Variants in PARD3B observed in about 807,000 individuals in gnomAD.
PARD3B encodes par-3 family cell polarity regulator beta.
In PARD3B, 103 loss-of-function variants were observed where a neutral mutation model predicts 130.2. That is an observed-to-expected ratio of 0.79 (90% confidence interval 0.67 to 0.93). PARD3B has a LOEUF of 0.93. Among genes scored for constraint, PARD3B ranks in the 40% least tolerant of loss-of-function variants. The pLI is 0.00. For missense variants in PARD3B, 1,609 were observed against 1,499.2 expected, an observed-to-expected ratio of 1.07 and a Z score of -1.21; for synonymous variants, 583 against 553.2, an observed-to-expected ratio of 1.05 and a Z score of -0.76.
At chr2:204,570,466 C>G (rs2031928764) in intron 1 of PARD3B, among the ~76,000 whole-genome samples, 1 of 152,160 alleles carries the variant, frequency 6.6e-6, no homozygotes, top group Non-Finnish European at 1.5e-5. Flanking sequence ...TTCTGTCCAT[C>G]TAGCTGGAAT....
At chr2:205,217,781 T>C (rs1273840309) in intron 15 of PARD3B, among the ~76,000 whole-genome samples, 1 of 147,348 alleles carries the variant, frequency 6.8e-6, no homozygotes, top group Non-Finnish European at 1.5e-5. Flanking sequence ...TATATATGTA[T>C]ATATATGTGT....
At chr2:205,145,548 G>A (rs1157460512) in intron 10 of PARD3B, among the ~76,000 whole-genome samples, 3 of 152,110 alleles carry the variant, frequency 2.0e-5, no homozygotes, top group Non-Finnish European at 2.9e-5. Flanking sequence ...AGAAATAATG[G>A]AACTGGAAGG....
chr2:205,274,663 T>C lies in PARD3B; in HGVS notation c.2186-25867T>C, dbSNP rs544732199. On this transcript the variant is annotated intron_variant, in intron 16 of 22. Transcript: ENST00000406610. This position sits in a 1 kb window ranked among gnomAD's most constrained non-coding sequence, Gnocchi z 4.2. ...TTATCTATCTGAATATTAATATCAATTATCTACCTGAATATTTCTATCTGA... is the reference window on the plus strand; with the variant it reads ...TTATCTATCTGAATATTAATATCAACTATCTACCTGAATATTTCTATCTGA... Among the ~76,000 whole-genome samples, 1 of 152,252 alleles carries C rather than the reference T, an allele frequency of 6.6e-6. No individual in the cohort carries two copies. Among genetic ancestry groups the C allele is most frequent in the East Asian group, 1.9e-4 (1 of 5,184 alleles).
chr2:204,821,724 T>TA (rs750214067), intron 2 of PARD3B, among the ~76,000 whole-genome samples: 140 of 151,190 alleles, frequency 9.3e-4, no homozygotes, highest in Non-Finnish European at 1.5e-3. Context: ...TAAAAAAAAA[T>TA]AAAAAAAATA....
chr2:205,080,800 C>T (rs1255387055), intron 4 of PARD3B, among the ~76,000 whole-genome samples: 1 of 152,004 alleles, frequency 6.6e-6, no homozygotes, highest in Non-Finnish European at 1.5e-5. Flanking sequence ...TACTGTTTGC[C>T]TTTTTCATTT....
intron 3 of PARD3B, among the ~76,000 whole-genome samples, chr2:205,033,047 A>G (rs1473546530): frequency 2.0e-5 from 3 of 152,162 alleles, no homozygotes; most frequent in Non-Finnish European, 4.4e-5. Context: ...GAGCTCTTGA[A>G]GTATTCTTTT....
intron 4 of PARD3B, among the ~76,000 whole-genome samples, chr2:205,102,216 A>T (rs1046993166): frequency 1.3e-5 from 2 of 152,066 alleles, no homozygotes; most frequent in African/African-American, 4.8e-5. Context: ...TTTTTAATTT[A>T]TTAAGTTGTG....
rs10196528 is a variant in PARD3B at position 205,072,517 on chromosome 2, G to A, written c.504+24827G>A. ...CTACCCACCGTGGCCTCCCCAAAGC[G>A]CAGGGATTACAGGCATGACCTACGG... is the stretch of plus-strand genomic sequence containing the variant. On this transcript the variant is annotated intron_variant, in intron 4 of 22. Coordinates refer to ENST00000406610, the MANE Select transcript of PARD3B (RefSeq NM_001302769.2). Among the ~76,000 whole-genome samples the A allele has an allele frequency of 8.9e-3, 1,349 of 152,210 alleles. 16 individuals carry two copies. The highest frequency in any genetic ancestry group is 0.03 in the African/African-American group (1,255 of 41,510).
intron 1 of PARD3B, among the ~76,000 whole-genome samples, chr2:204,550,412 C>CTGTGTGTGTGTGTGTGTGTGTG (rs3051346): frequency 6.9e-6 from 1 of 144,300 alleles, no homozygotes; most frequent in African/African-American, 2.5e-5. Context: ...GGAGGGCTGA[C>CTGTGTGTGTGTGTGTGTGTGTG]TGTGTGTGTG....
chr2:205,194,677 A>C (rs2036572285), intron 15 of PARD3B, among the ~76,000 whole-genome samples: 1 of 152,194 alleles, frequency 6.6e-6, no homozygotes, highest in Admixed American at 6.5e-5. Context: ...AAGAAAAAAC[A>C]GCACCCATTT....
chr2:204,724,300 G>A (rs1007338326), intron 2 of PARD3B, among the ~76,000 whole-genome samples: 1 of 152,080 alleles, frequency 6.6e-6, no homozygotes, highest in Non-Finnish European at 1.5e-5. Context: ...CTTTTTCTTA[G>A]AAGATACTAG....
chr2:205,318,035 G>A (rs909352525), intron 18 of PARD3B, among the ~76,000 whole-genome samples: 1 of 152,104 alleles, frequency 6.6e-6, no homozygotes, highest in African/African-American at 2.4e-5. Flanking sequence ...AAGAGCTGGA[G>A]GGAACATCGA....
chr2:204,625,341 C>T (rs761233637), intron 1 of PARD3B, among the ~76,000 whole-genome samples: 2 of 152,094 alleles, frequency 1.3e-5, no homozygotes, highest in Non-Finnish European at 2.9e-5. Flanking sequence ...CATCGGTTCT[C>T]CATGACAGCA....
chr2:205,566,486 T>C (rs2053337731), intron 22 of PARD3B, among the ~76,000 whole-genome samples: 1 of 152,008 alleles, frequency 6.6e-6, no homozygotes. Context: ...GTGTTAAGAA[T>C]GGATCCACAC....
intron 21 of PARD3B, among the ~76,000 whole-genome samples, chr2:205,532,006 A>G (rs1218304139): frequency 6.6e-6 from 1 of 152,040 alleles, no homozygotes; most frequent in Non-Finnish European, 1.5e-5. Context: ...CAGCGTGAAC[A>G]CCGCTATTAA....
intron 1 of PARD3B, among the ~76,000 whole-genome samples, chr2:204,616,231 A>G (rs1487868013): frequency 2.0e-5 from 3 of 152,216 alleles, no homozygotes; most frequent in Non-Finnish European, 2.9e-5. Context: ...CCTGATAAAA[A>G]CGTGTTATCT....
At chr2:205,480,686 A>G (rs1260295708) in intron 20 of PARD3B, among the ~76,000 whole-genome samples, 1 of 152,212 alleles carries the variant, frequency 6.6e-6, no homozygotes, top group Non-Finnish European at 1.5e-5. Context: ...TGCCACTGGT[A>G]AAACAGCCTG....
chr2:205,024,162 CTTTTTTTTTTT>C (rs1172893472), intron 3 of PARD3B, among the ~76,000 whole-genome samples: 1 of 98,744 alleles, frequency 1.0e-5, no homozygotes, highest in Non-Finnish European at 2.0e-5. Flanking sequence ...TTCTTTCTTT[CTTTTTTTTTTT>C]TTTTTTTTTT....
intron 20 of PARD3B, among the ~76,000 whole-genome samples, chr2:205,498,029 A>ACACACG (rs2050004442): frequency 6.6e-6 from 1 of 151,148 alleles, no homozygotes; most frequent in Non-Finnish European, 1.5e-5. Flanking sequence ...ACACACACAC[A>ACACACG]CACACACACA....
Sources: allele counts gnomAD v4.1 joint callset (sites outside exome capture counted in the v4.1 genomes callset), GRCh38; gene constraint gnomAD v4.1.1; non-coding constraint Gnocchi (gnomAD v3.1); transcripts MANE v1.5; gene names NCBI Gene and HGNC (gene_info 2026-07-23, HGNC 2026-07-21).